The following ADAMTSL1 variants were observed in gnomAD, a reference collection of about 807,000 sequenced individuals.
The protein encoded by ADAMTSL1 is ADAMTS-like protein 1.
Under a neutral mutation model 201.8 loss-of-function variants are expected in ADAMTSL1, and 126 were observed. The observed-to-expected ratio is 0.62, with a 90% confidence interval of 0.54 to 0.72. The LOEUF is 0.72. Among genes scored for constraint, ADAMTSL1 ranks in the 30% least tolerant of loss-of-function variants. The pLI is 0.00. For missense variants in ADAMTSL1, 2,679 were observed against 2,277.8 expected (o/e 1.18, Z -3.59); for synonymous variants, 1,121 against 903.4 (o/e 1.24, Z -4.32).
intron 1 of ADAMTSL1, among the ~76,000 whole-genome samples, chr9:17,928,402 A>G (rs1267368893): frequency 6.6e-6 from 1 of 152,222 alleles, no homozygotes; most frequent in Non-Finnish European, 1.5e-5. Flanking sequence ...GGTAGAGCTA[A>G]TAGTTTCACA....
chr9:18,364,636 G>C (rs1468416386), intron 2 of ADAMTSL1, among the ~76,000 whole-genome samples: 1 of 136,764 alleles, frequency 7.3e-6, no homozygotes, highest in African/African-American at 2.6e-5. Flanking sequence ...GCCTGTATTA[G>C]GTCATTCTTG....
chr9:18,140,865 G>A (rs1020518006), intron 1 of ADAMTSL1, among the ~76,000 whole-genome samples: 7 of 152,180 alleles, frequency 4.6e-5, no homozygotes, highest in African/African-American at 1.2e-4. Context: ...AATAGTTAAT[G>A]TGACAGAGCT....
chr9:18,016,770 G>T (rs904167742), intron 1 of ADAMTSL1, among the ~76,000 whole-genome samples: 1 of 151,998 alleles, frequency 6.6e-6, no homozygotes, highest in African/African-American at 2.4e-5. Flanking sequence ...ACTTCAAATT[G>T]GTGGATGGCC....
chr9:18,182,099 G>A (rs1215605981), intron 2 of ADAMTSL1, among the ~76,000 whole-genome samples: 1 of 150,248 alleles, frequency 6.7e-6, no homozygotes, highest in Non-Finnish European at 1.5e-5. Flanking sequence ...GAGAACTCAT[G>A]GACACAGGAA....
At chr9:18,538,950 C>T (rs1564028955) in intron 3 of ADAMTSL1, among the ~76,000 whole-genome samples, 1 of 151,998 alleles carries the variant, frequency 6.6e-6, no homozygotes, top group African/African-American at 2.4e-5. Flanking sequence ...GAGAAATACC[C>T]CTGAAGTCTA....
rs555204315 is a variant in ADAMTSL1 at position 18,259,496 on chromosome 9, A to G, written c.207+95515A>G. Among the ~76,000 whole-genome samples, 363 of 149,460 alleles carry G rather than the reference A, an allele frequency of 2.4e-3. 1 individual carries two copies. The highest frequency in any genetic ancestry group is 8.4e-3 in the African/African-American group (333 of 39,480). ...CACCACACTCCAGCCTGTATGACAG[A>G]ATAACTCTGTCTCAAAAAAAAAAAA... is the stretch of plus-strand genomic sequence containing the variant. On this transcript the variant is annotated intron_variant, in intron 2 of 29. Coordinates refer to the ADAMTSL1 transcript ENST00000680146.
At chr9:18,373,549 T>C (rs1383648572) in intron 2 of ADAMTSL1, among the ~76,000 whole-genome samples, 1 of 151,982 alleles carries the variant, frequency 6.6e-6, no homozygotes, top group Non-Finnish European at 1.5e-5. Context: ...GCAAACTGAT[T>C]CTCCTCTCCC....
chr9:18,298,109 C>A lies in ADAMTSL1; in HGVS notation c.207+134128C>A, dbSNP rs143174480. 9.1e-4 allele frequency among the ~76,000 whole-genome samples: 138 copies of A among 152,202 alleles called. 2 individuals carry two copies. Among genetic ancestry groups the A allele is most frequent in the African/African-American group, 3.2e-3 (133 of 41,506 alleles). Reference sequence around the variant, plus strand: ...CAGGCACAAATTCTGTGAGCTAGGACGTATTCCCGGAAAAGTAAAGAGACA... The same window carrying A: ...CAGGCACAAATTCTGTGAGCTAGGAAGTATTCCCGGAAAAGTAAAGAGACA... On this transcript the variant is annotated intron_variant, in intron 2 of 29. Coordinates refer to the ADAMTSL1 transcript ENST00000680146.
At chr9:18,655,254 C>G (rs147801119) in intron 7 of ADAMTSL1, among the ~76,000 whole-genome samples, 1 of 152,330 alleles carries the variant, frequency 6.6e-6, no homozygotes, top group East Asian at 1.9e-4. Context: ...CCATAACCCC[C>G]CATACACATT....
chr9:18,406,289 T>C lies in ADAMTSL1; in HGVS notation c.208-98540T>C, dbSNP rs111644905. ...GTATGGCTCATTGGTATAAGACAGTTTTTTCTTTTCTTTTCTTTTCTTTTC... is the reference window on the plus strand; with the variant it reads ...GTATGGCTCATTGGTATAAGACAGTCTTTTCTTTTCTTTTCTTTTCTTTTC... On this transcript the variant is annotated intron_variant, in intron 2 of 29. Coordinates refer to the ADAMTSL1 transcript ENST00000680146. 4.5e-4 allele frequency among the ~76,000 whole-genome samples: 53 copies of C among 117,490 alleles called. 1 individual carries two copies. The highest frequency in any genetic ancestry group is 1.9e-3 in the African/African-American group (52 of 28,034). The allele number at this position is 117,490 out of a possible 152,430, so 77.1% of individuals were successfully genotyped here.
At chr9:18,765,079 A>G (rs975754489) in intron 16 of ADAMTSL1, among the ~76,000 whole-genome samples, 4 of 152,236 alleles carry the variant, frequency 2.6e-5, no homozygotes, top group African/African-American at 9.6e-5. Context: ...TTATTGCCAA[A>G]TTCACTAAGA....
At chr9:18,233,329 AG>A (rs1830715317) in intron 2 of ADAMTSL1, among the ~76,000 whole-genome samples, 1 of 152,254 alleles carries the variant, frequency 6.6e-6, no homozygotes, top group East Asian at 1.9e-4. Flanking sequence ...TAACTTCATC[AG>A]TAAAAGACAA....
intron 8 of ADAMTSL1, among the ~76,000 whole-genome samples, chr9:18,661,427 T>C (rs1480727888): frequency 6.6e-6 from 1 of 152,176 alleles, no homozygotes; most frequent in African/African-American, 2.4e-5. Flanking sequence ...GCAAAAATAA[T>C]GTTCCCAGGC....
At chr9:18,049,418 A>G (rs1821821475) in intron 1 of ADAMTSL1, among the ~76,000 whole-genome samples, 1 of 152,116 alleles carries the variant, frequency 6.6e-6, no homozygotes, top group African/African-American at 2.4e-5. Context: ...CCTGGCTTTT[A>G]AACATTTATA....
intron 1 of ADAMTSL1, among the ~76,000 whole-genome samples, chr9:17,965,834 A>G (rs531734422): frequency 1.3e-5 from 2 of 152,266 alleles, no homozygotes; most frequent in African/African-American, 4.8e-5. Context: ...GAACTCTCAG[A>G]TATCCCAGTC....
intron 1 of ADAMTSL1, among the ~76,000 whole-genome samples, chr9:17,945,562 A>C (rs1166737402): frequency 6.6e-6 from 1 of 152,102 alleles, no homozygotes; most frequent in Non-Finnish European, 1.5e-5. Context: ...ACTTGGAACC[A>C]ACCCAAATGT....
At chr9:18,798,144 T>C (rs73644668) in intron 20 of ADAMTSL1, among the ~76,000 whole-genome samples, 5,159 of 151,920 alleles carry the variant, frequency 0.034, 265 homozygotes, top group African/African-American at 0.12. Context: ...GTCCCCATGA[T>C]TTTATAAGGA....
chr9:17,955,702 C>T (rs1827902485), intron 1 of ADAMTSL1, among the ~76,000 whole-genome samples: 1 of 152,170 alleles, frequency 6.6e-6, no homozygotes, highest in South Asian at 2.1e-4. Context: ...TTAGCCAATT[C>T]AGTTATTAGA....
At chr9:18,289,403 G>T (rs1458232491) in intron 2 of ADAMTSL1, among the ~76,000 whole-genome samples, 1 of 152,164 alleles carries the variant, frequency 6.6e-6, no homozygotes, top group Non-Finnish European at 1.5e-5. Flanking sequence ...GCCCAGTCAA[G>T]TTCACACATA....
Sources: allele counts gnomAD v4.1 joint callset (sites outside exome capture counted in the v4.1 genomes callset), GRCh38; gene constraint gnomAD v4.1.1; transcripts MANE v1.5; gene names NCBI Gene and HGNC (gene_info 2026-07-23, HGNC 2026-07-21).